The following UNC13C variants were observed in gnomAD, a reference collection of about 807,000 sequenced individuals.
The protein encoded by UNC13C is unc-13 homolog C, also known as protein unc-13 homolog C.
UNC13C carries 174 observed loss-of-function variants against 245.4 expected under a neutral mutation model. That is an observed-to-expected ratio of 0.71 (90% confidence interval 0.63 to 0.80). UNC13C has a LOEUF of 0.80. UNC13C is among the 30% of genes least tolerant of loss of function. UNC13C has a pLI of 0.00. For synonymous variants in UNC13C, 992 were observed against 895.1 expected (o/e 1.11, Z -1.93); for missense variants, 2,829 against 2,602.9 (o/e 1.09, Z -1.89).
intron 13 of UNC13C, among the ~76,000 whole-genome samples, chr15:54,315,849 C>A (rs147831319): frequency 6.6e-6 from 1 of 151,836 alleles, no homozygotes; most frequent in African/African-American, 2.4e-5. Flanking sequence ...CCATCCTGCT[C>A]TCCTTATGAA....
chr15:54,085,025 G>A (rs1899157573), intron 2 of UNC13C, among the ~76,000 whole-genome samples: 1 of 151,980 alleles, frequency 6.6e-6, no homozygotes, highest in Non-Finnish European at 1.5e-5. Context: ...TAGAATAAAT[G>A]GTTCAATTTG....
At position 54,264,408 on chromosome 15, in the gene UNC13C, CT is replaced by C. The variant is rs1334070256; in HGVS notation, c.3676+15del. 2 of 1,549,714 alleles carry C rather than the reference CT, an allele frequency of 1.3e-6. No homozygotes were observed. Among genetic ancestry groups the C allele is most frequent in the African/African-American group, 2.7e-5 (2 of 72,888 alleles). ...ATAACCATTACAGGTAAAAATAAGT[CT>C]TCTTAAAAATTTGTATTGTAAATTG... On this transcript the variant is annotated intron_variant, in intron 9 of 32. Transcript: ENST00000260323.
At chr15:54,459,111 A>T (rs950883414) in intron 19 of UNC13C, among the ~76,000 whole-genome samples, 1 of 152,062 alleles carries the variant, frequency 6.6e-6, no homozygotes, top group Non-Finnish European at 1.5e-5. Context: ...TTCTCTCAGC[A>T]TTTGTCTGAA....
In UNC13C at chr15:54,211,609, C is replaced by T. The variant is rs985891669; in HGVS notation, c.3072-23421C>T. On this transcript the variant is annotated intron_variant, in intron 4 of 32. Coordinates refer to ENST00000260323, the MANE Select transcript of UNC13C (RefSeq NM_001080534.3). ...ACCGTGGGCTAGCTCCAGTGCACCA[C>T]TGGTTGTGGTGTACAAAGTGGAAGT... Among the ~76,000 whole-genome samples the T allele has an allele frequency of 2.6e-5, 4 of 152,070 alleles. No individual in the cohort carries two copies. The East Asian group carries it at 7.8e-4, about 29-fold the overall frequency.
At chr15:54,364,941 T>A (rs1382870614) in intron 17 of UNC13C, among the ~76,000 whole-genome samples, 14 of 152,214 alleles carry the variant, frequency 9.2e-5, no homozygotes, top group Non-Finnish European at 1.9e-4. Flanking sequence ...TGAATGCTTT[T>A]CCATATGTGG....
rs34179914 is a variant in UNC13C at position 54,332,305 on chromosome 15, CTGTGTGTGTG to C, written c.4494+218_4494+227del. Among the ~76,000 whole-genome samples, 276 of 145,680 alleles carry C rather than the reference CTGTGTGTGTG, an allele frequency of 1.9e-3. 2 individuals are homozygous for C. Among genetic ancestry groups the C allele is most frequent in the African/African-American group, 6.8e-3 (265 of 39,170 alleles). On this transcript the variant is annotated intron_variant, in intron 15 of 32. Coordinates refer to ENST00000260323, the MANE Select transcript of UNC13C (RefSeq NM_001080534.3). ...GCCCCACGTAGACTACAACAATACT[CTGTGTGTGTG>C]TGTGTGTGTGTGTGTGTGTGTGTTT...
intron 2 of UNC13C, chr15:54,050,448 A>G: frequency 1.8e-6 from 1 of 553,952 alleles, no homozygotes; most frequent in Non-Finnish European, 3.6e-6. Flanking sequence ...GGGCTTGCTG[A>G]GCTAAAGTTG....
At chr15:53,897,528 T>C in the UNC13C span, among the ~76,000 whole-genome samples, 3 of 152,190 alleles carry the variant, frequency 2.0e-5, no homozygotes, top group African/African-American at 4.8e-5. Context: ...GATCTTCCCA[T>C]CTCAGCCTCC....
intron 19 of UNC13C, among the ~76,000 whole-genome samples, chr15:54,491,575 C>G (rs1893705135): frequency 6.6e-6 from 1 of 152,052 alleles, no homozygotes; most frequent in South Asian, 2.1e-4. Context: ...TTTATTTTAG[C>G]AAAATCACTA....
chr15:53,890,118 A>G, the UNC13C span, among the ~76,000 whole-genome samples: 2 of 149,828 alleles, frequency 1.3e-5, no homozygotes, highest in Non-Finnish European at 3.0e-5. Flanking sequence ...GAATAGTTTC[A>G]GAAGGAATGG....
chr15:53,944,943 A>C, the UNC13C span, among the ~76,000 whole-genome samples: 1 of 152,082 alleles, frequency 6.6e-6, no homozygotes, highest in East Asian at 1.9e-4. Context: ...TTTACTTTTT[A>C]ATAATAGCCA....
intron 1 of UNC13C, among the ~76,000 whole-genome samples, chr15:53,995,935 T>C (rs1234871247): frequency 6.6e-6 from 1 of 152,018 alleles, no homozygotes; most frequent in Non-Finnish European, 1.5e-5. Context: ...AGGTGGGAGG[T>C]GCAGTAGCTG....
intron 13 of UNC13C, chr15:54,320,767 C>T: frequency 2.6e-6 from 1 of 381,966 alleles, no homozygotes; most frequent in South Asian, 2.3e-5. Flanking sequence ...GCTACTGGAA[C>T]CACCATGACC....
intron 30 of UNC13C, among the ~76,000 whole-genome samples, chr15:54,590,524 A>G (rs747310622): frequency 8.6e-4 from 131 of 152,150 alleles, no homozygotes; most frequent in Non-Finnish European, 1.5e-3. Context: ...GTATATTCCT[A>G]AGGGTTTGTT....
chr15:54,392,145 T>A (rs188919426), intron 17 of UNC13C, among the ~76,000 whole-genome samples: 110 of 152,238 alleles, frequency 7.2e-4, no homozygotes, highest in Admixed American at 4.2e-3. Flanking sequence ...CCTATATTTT[T>A]AGCCAATTTT....
At chr15:54,513,990 T>G (rs1297171951) in intron 24 of UNC13C, among the ~76,000 whole-genome samples, 4 of 152,150 alleles carry the variant, frequency 2.6e-5, no homozygotes, top group Non-Finnish European at 4.4e-5. Flanking sequence ...GAAGCAAGAC[T>G]TGCATTCAAG....
chr15:54,171,847 G>T (rs1291906027), intron 4 of UNC13C, among the ~76,000 whole-genome samples: 1 of 152,092 alleles, frequency 6.6e-6, no homozygotes, highest in Non-Finnish European at 1.5e-5. Context: ...AGATTTGGAA[G>T]CAACCTAAGT....
At chr15:54,185,240 G>A (rs1050020771) in intron 4 of UNC13C, among the ~76,000 whole-genome samples, 50 of 151,874 alleles carry the variant, frequency 3.3e-4, no homozygotes, top group Middle Eastern at 3.4e-3. Flanking sequence ...CTCTGATGGT[G>A]GTTTCTTTTG....
rs1895477879 is a variant in UNC13C at position 54,013,420 on chromosome 15, C to A, written c.517C>A (p.Leu173Ile). The A allele has an allele frequency of 6.2e-7, 1 of 1,613,738 alleles. No homozygotes were observed. Among genetic ancestry groups the A allele is most frequent in the Non-Finnish European group, 8.5e-7 (1 of 1,179,884 alleles). Residue 173 changes from leucine (L) to isoleucine (I), a missense_variant, in exon 2 of 33, where the codon CTA becomes ATA. Transcript: ENST00000260323. The stretch of plus-strand genomic sequence containing the variant: ...GGGCAGCTCTGACGGGGAGCGTACT[C>A]TACATGGCTTAAAACTGGGAGCTTT... ...SEGSSDGERT[L>I]HGLKLGALRK...
Sources: gnomAD v4.1 joint callset for allele counts (sites outside exome capture counted in the v4.1 genomes callset) on GRCh38, gnomAD v4.1.1 for gene constraint, MANE v1.5 for transcripts, NCBI Gene and HGNC (gene_info 2026-07-23, HGNC 2026-07-21) for gene names.